Variants in FNTB observed in about 807,000 individuals in gnomAD.
FNTB encodes protein farnesyltransferase subunit beta.
A neutral mutation model predicts 59.4 loss-of-function variants in FNTB; 27 were observed. The ratio of observed to expected loss-of-function variants is 0.45; its 90% CI spans 0.34 to 0.63. The LOEUF is 0.63. FNTB is among the 20% of genes least tolerant of loss of function. The probability of loss-of-function intolerance (pLI) is 0.02; values close to 1 mark genes in which losing one functional copy is unlikely to be tolerated. For synonymous variants in FNTB, 230 were observed against 220.7 expected, an observed-to-expected ratio of 1.04 and a Z score of -0.37; for missense variants, 449 against 559.6, an observed-to-expected ratio of 0.80 and a Z score of 1.99.
In FNTB at chr14:65,030,436, C is replaced by CTGAG. The variant is rs2062058252; in HGVS notation, c.606-2172_606-2169dup. On this transcript the variant is annotated intron_variant, in intron 6 of 11. Transcript: ENST00000246166. This position sits in a 1 kb window ranked among gnomAD's most constrained non-coding sequence, Gnocchi z 4.5. ...AGTCTGACTTCATGTTATATCTATA[C>CTGAG]TGAGTAAGATGGAAACCAGGGCCGA... Among the ~76,000 whole-genome samples, 1 of 152,110 alleles carries CTGAG rather than the reference C, an allele frequency of 6.6e-6. No homozygotes were observed. The highest frequency in any genetic ancestry group is 2.4e-5 in the African/African-American group (1 of 41,418).
At chr14:65,048,950 C>A (rs2062547687) in intron 9 of FNTB, among the ~76,000 whole-genome samples, 1 of 152,070 alleles carries the variant, frequency 6.6e-6, no homozygotes, top group African/African-American at 2.4e-5. Context: ...CATGGTGAAA[C>A]CCCATCTCTA....
chr14:65,032,772 A>C lies in FNTB; in HGVS notation c.692+76A>C. 7.1e-7 allele frequency: 1 copy of C among 1,405,850 alleles called. No individual in the cohort carries two copies. The highest frequency in any genetic ancestry group is 9.7e-7 in the Non-Finnish European group (1 of 1,034,366). The allele number at this position is 1,405,850 out of a possible 1,614,324, so 87.1% of individuals were successfully genotyped here. ...ACACTACTTCAGAAAAATAAAGAAAATGCAGAGGGACTTGGAAGGAAATAC... is the reference window on the plus strand; with the variant it reads ...ACACTACTTCAGAAAAATAAAGAAACTGCAGAGGGACTTGGAAGGAAATAC... On this transcript the variant is annotated intron_variant, in intron 7 of 11. Transcript: ENST00000246166. This position sits in a 1 kb window ranked among gnomAD's most constrained non-coding sequence, Gnocchi z 5.0.
At chr14:65,059,724 T>C (rs1259501129) in intron 11 of FNTB, among the ~76,000 whole-genome samples, 1 of 152,110 alleles carries the variant, frequency 6.6e-6, no homozygotes, top group Non-Finnish European at 1.5e-5. Flanking sequence ...TTTGGGTTTC[T>C]GTGATGTACT....
rs1481846627 is a variant in FNTB, at chr14:65,023,599, A to T, written c.375-3854A>T. Among the ~76,000 whole-genome samples, 1 of 152,174 alleles carries T rather than the reference A, an allele frequency of 6.6e-6. No homozygotes were observed. Among genetic ancestry groups the T allele is most frequent in the African/African-American group, 2.4e-5 (1 of 41,454 alleles). On this transcript the variant is annotated intron_variant, in intron 4 of 11. Transcript: ENST00000246166. This position sits in a 1 kb window ranked among gnomAD's most constrained non-coding sequence, Gnocchi z 4.1. ...CTATAAACATCTATACGTGTTCTATATTGGCCACTAGCCACAGTTAGTTGT... is the reference window on the plus strand; with the variant it reads ...CTATAAACATCTATACGTGTTCTATTTTGGCCACTAGCCACAGTTAGTTGT...
rs573452472 is a variant in FNTB, at chr14:65,028,236, G to A, written c.605+455G>A. Among the ~76,000 whole-genome samples, 6 of 152,272 alleles carry A rather than the reference G, an allele frequency of 3.9e-5. No homozygotes were observed. Among genetic ancestry groups the A allele is most frequent in the Non-Finnish European group, 8.8e-5 (6 of 68,022 alleles). ...GCACATGAGAGTTTTTCTGGGAGGT[G>A]CAGAGAGCCTTGTGGGCCGGGAGAG... On this transcript the variant is annotated intron_variant, in intron 6 of 11. Coordinates refer to ENST00000246166, the MANE Select transcript of FNTB (RefSeq NM_002028.4). The surrounding 1 kb of genome is among the most constrained non-coding windows in gnomAD (Gnocchi z 4.4).
At chr14:65,025,126 T>C (rs1273919311) in intron 4 of FNTB, among the ~76,000 whole-genome samples, 1 of 152,160 alleles carries the variant, frequency 6.6e-6, no homozygotes, top group Non-Finnish European at 1.5e-5. Flanking sequence ...CCTCCAGTTC[T>C]CTAGCACAGC....
chr14:65,003,913 G>A (rs1645997205), intron 1 of FNTB: 1 of 169,450 alleles, frequency 5.9e-6, no homozygotes, highest in Admixed American at 6.3e-5. Context: ...ATATTTTGGG[G>A]TGGCATATGC....
At position 65,044,699 on chromosome 14, in the gene FNTB, C is replaced by A; in HGVS notation, c.955+256C>A. ...GCTTCCTTGAAATTGCTACGGGGAG[C>A]GGGGAGGAAGTGGGCGCTGCTTCTG... On this transcript the variant is annotated intron_variant, in intron 9 of 11. Coordinates refer to ENST00000246166, the MANE Select transcript of FNTB (RefSeq NM_002028.4). The surrounding 1 kb of genome is among the most constrained non-coding windows in gnomAD (Gnocchi z 5.5). 1 of 529,484 alleles carries A rather than the reference C, an allele frequency of 1.9e-6. No homozygotes were observed. The highest frequency in any genetic ancestry group is 2.8e-5 in the South Asian group (1 of 35,630). The allele number at this position is 529,484 out of a possible 1,614,324, so 32.8% of individuals were successfully genotyped here.
Position 65,054,507 on chromosome 14 carries a change from G to T in FNTB, c.1068-68G>T. On this transcript the variant is annotated intron_variant, in intron 10 of 11. Coordinates refer to ENST00000246166, the MANE Select transcript of FNTB (RefSeq NM_002028.4). This position sits in a 1 kb window ranked among gnomAD's most constrained non-coding sequence, Gnocchi z 4.4. ...TGATTGCACCAGTGGTCTCTGAATT[G>T]GTGTGGCTACATTTGTAGATGTGTG... The T allele has an allele frequency of 4.7e-6, 7 of 1,481,690 alleles. No homozygotes were observed. Among genetic ancestry groups the T allele is most frequent in the Admixed American group, 3.8e-5 (2 of 52,144 alleles). 91.8% of individuals were successfully genotyped at this position (1,481,690 alleles called of 1,614,324 possible). A position where few individuals can be genotyped will look rare whatever the true frequency, so the allele number is the denominator to read the frequency against.
Position 65,012,496 on chromosome 14 carries a change from C to T in FNTB, c.282+107C>T, listed in dbSNP as rs575419260. Reference sequence around the variant, plus strand: ...TTGGGGCTGACCTGTTGCAGAGTCACTCTTTGTTCTCTGTGGCTCTGGCAG... The same window carrying T: ...TTGGGGCTGACCTGTTGCAGAGTCATTCTTTGTTCTCTGTGGCTCTGGCAG... On this transcript the variant is annotated intron_variant, in intron 3 of 11. Transcript: ENST00000246166. This position sits in a 1 kb window ranked among gnomAD's most constrained non-coding sequence, Gnocchi z 5.0. 15 of 1,419,824 alleles carry T rather than the reference C, an allele frequency of 1.1e-5. No individual in the cohort carries two copies. The highest frequency in any genetic ancestry group is 1.4e-5 in the Non-Finnish European group (15 of 1,035,418). 88.0% of individuals were successfully genotyped at this position (1,419,824 alleles called of 1,614,324 possible).
chr14:64,988,537 C>T (rs1023370821), intron 1 of FNTB, among the ~76,000 whole-genome samples: 1 of 151,386 alleles, frequency 6.6e-6, no homozygotes, highest in Non-Finnish European at 1.5e-5. Context: ...CGGGTTCACG[C>T]CATTCGCCTG....
intron 7 of FNTB, among the ~76,000 whole-genome samples, 186 bp from the exon 8 acceptor site, chr14:65,040,604 C>CTT (rs35890649): frequency 0.029 from 3,415 of 117,194 alleles, 125 homozygotes; most frequent in African/African-American, 0.078. Flanking sequence ...CCAGGCCCAG[C>CTT]TTTTTTTTTT....
rs1422683481 is a variant in FNTB at position 64,996,134 on chromosome 14, AAAAAAAG to A, written c.145-8103_145-8097del. Among the ~76,000 whole-genome samples the A allele has an allele frequency of 3.6e-4, 53 of 148,776 alleles. 1 individual carries two copies. The highest frequency in any genetic ancestry group is 2.1e-4 in the South Asian group (1 of 4,764). On this transcript the variant is annotated intron_variant, in intron 1 of 11. Transcript: ENST00000246166. Reference sequence around the variant, plus strand: ...GCAAAACTCTGTCTCAAAAAAAAAAAAAAAAAGAAAAAAGAAAAGAAACAACCAAGCC... The same window carrying A: ...GCAAAACTCTGTCTCAAAAAAAAAAAAAAAAAGAAAAGAAACAACCAAGCC...
Position 64,994,928 on chromosome 14 carries a change from TAAA to T in FNTB, c.144+7835_144+7837del, listed in dbSNP as rs1042381262. Among the ~76,000 whole-genome samples the T allele has an allele frequency of 1.3e-5, 2 of 152,256 alleles. No homozygotes were observed. Among genetic ancestry groups the T allele is most frequent in the African/African-American group, 4.8e-5 (2 of 41,466 alleles). ...CTGTAAATTATTTACTTCATGAACTTAAAAAATTTTTTTACAGCTTTTTGACCC... is the reference window on the plus strand; with the variant it reads ...CTGTAAATTATTTACTTCATGAACTTAAATTTTTTTACAGCTTTTTGACCC... On this transcript the variant is annotated intron_variant, in intron 1 of 11. Coordinates refer to ENST00000246166, the MANE Select transcript of FNTB (RefSeq NM_002028.4). The surrounding 1 kb of genome is among the most constrained non-coding windows in gnomAD (Gnocchi z 4.2).
intron 7 of FNTB, among the ~76,000 whole-genome samples, chr14:65,039,639 A>T (rs1020233620): frequency 3.3e-5 from 5 of 152,018 alleles, no homozygotes; most frequent in Non-Finnish European, 2.9e-5. Flanking sequence ...CTACTAAGTC[A>T]GTTATTTCTT....
chr14:64,996,753 C>T (rs1240344636), intron 1 of FNTB, among the ~76,000 whole-genome samples: 2 of 138,220 alleles, frequency 1.4e-5, no homozygotes, highest in Non-Finnish European at 3.1e-5. Flanking sequence ...TGAGAATTAA[C>T]ATTTGCTAAC....
rs1340974286 is a variant in FNTB at position 65,028,279 on chromosome 14, G to A, written c.605+498G>A. Among the ~76,000 whole-genome samples, 4 of 152,208 alleles carry A rather than the reference G, an allele frequency of 2.6e-5. No individual in the cohort carries two copies. The highest frequency in any genetic ancestry group is 1.9e-4 in the East Asian group (1 of 5,180). On this transcript the variant is annotated intron_variant, in intron 6 of 11. Coordinates refer to ENST00000246166, the MANE Select transcript of FNTB (RefSeq NM_002028.4). The surrounding 1 kb of genome is among the most constrained non-coding windows in gnomAD (Gnocchi z 4.4). ...CGGGAGAGTGCAGTGCAATAAAATC[G>A]CATTAACTGATTGGTGCCAGTTAGC...
chr14:64,988,510 C>T (rs1297900761), intron 1 of FNTB, among the ~76,000 whole-genome samples: 1 of 140,368 alleles, frequency 7.1e-6, no homozygotes, highest in East Asian at 2.3e-4. Flanking sequence ...CACTGGCTTA[C>T]TGCACCCTCC....
At chr14:65,036,760 C>A (rs1255528369) in intron 7 of FNTB, among the ~76,000 whole-genome samples, 1 of 152,020 alleles carries the variant, frequency 6.6e-6, no homozygotes, top group Non-Finnish European at 1.5e-5. Flanking sequence ...GTGGCGTAAT[C>A]TCAGCTCACT....
Sources: gnomAD v4.1 joint callset for allele counts (sites outside exome capture counted in the v4.1 genomes callset) on GRCh38, gnomAD v4.1.1 for gene constraint, Gnocchi (gnomAD v3.1) non-coding constraint, MANE v1.5 for transcripts, NCBI Gene and HGNC (gene_info 2026-07-23, HGNC 2026-07-21) for gene names.